Variants in SEMA6D observed in about 807,000 individuals in gnomAD.
The protein encoded by SEMA6D is semaphorin-6D.
SEMA6D carries 35 observed loss-of-function variants against 106.6 expected under a neutral mutation model. The observed-to-expected ratio is 0.33, with a 90% CI of 0.25 to 0.44. The LOEUF is 0.44. Ranked by LOEUF, SEMA6D falls within the 20% of genes least tolerant of loss-of-function variation. The pLI is 1.00. For synonymous variants in SEMA6D, 499 were observed against 487.7 expected (o/e 1.02, Z -0.31); for missense variants, 1,185 against 1,345.9 (o/e 0.88, Z 1.87).
intron 4 of SEMA6D, among the ~76,000 whole-genome samples, chr15:47,671,971 A>G (rs1226785791): frequency 6.6e-6 from 1 of 152,210 alleles, no homozygotes; most frequent in Non-Finnish European, 1.5e-5. Flanking sequence ...TGCTAATAAT[A>G]TTACAAACAT....
intron 4 of SEMA6D, chr15:47,603,930 T>C (rs2076719027): frequency 6.6e-6 from 1 of 152,218 alleles, no homozygotes; most frequent in South Asian, 2.1e-4. Flanking sequence ...CCCCCTGAGA[T>C]GGAGTGATGT....
chr15:47,618,533 G>A (rs868589090), intron 4 of SEMA6D, among the ~76,000 whole-genome samples: 23 of 152,192 alleles, frequency 1.5e-4, no homozygotes, highest in South Asian at 2.1e-4. Flanking sequence ...GGCTGATCTC[G>A]TCACTGAATT....
intron 4 of SEMA6D, among the ~76,000 whole-genome samples, chr15:47,687,741 C>CAG (rs1282102607): frequency 6.6e-6 from 1 of 151,948 alleles, no homozygotes; most frequent in Non-Finnish European, 1.5e-5. Context: ...AGAAAAGTAG[C>CAG]AGAGAGAGAT....
chr15:47,553,724 T>C (rs1269979599), intron 3 of SEMA6D, among the ~76,000 whole-genome samples: 1 of 152,142 alleles, frequency 6.6e-6, no homozygotes, highest in Non-Finnish European at 1.5e-5. Context: ...GCAGGGCATT[T>C]CAGTGTTGTT....
At chr15:47,695,651 CATA>C (rs755577023) in intron 4 of SEMA6D, among the ~76,000 whole-genome samples, 55 of 152,178 alleles carry the variant, frequency 3.6e-4, no homozygotes, top group Non-Finnish European at 5.4e-4. Flanking sequence ...GAAATAGAAG[CATA>C]ATATTTGTTA....
In SEMA6D at chr15:47,684,938, G is replaced by A. The variant is rs142767521; in HGVS notation, c.-54-74807G>A. On this transcript the variant is annotated intron_variant, in intron 4 of 19. Coordinates refer to the SEMA6D transcript ENST00000558014. ...TACCAGAGACCTGGGGAAACTTACC[G>A]TGGAAACCAAGGCAGGGAACATAAA... Among the ~76,000 whole-genome samples, 1,269 of 152,258 alleles carry A rather than the reference G, an allele frequency of 8.3e-3. 19 individuals carry two copies. Among genetic ancestry groups the A allele is most frequent in the African/African-American group, 0.029 (1,211 of 41,554 alleles).
chr15:47,762,003 A>G (rs2082084210), intron 7 of SEMA6D, among the ~76,000 whole-genome samples, 197 bp from the exon 8 acceptor site: 1 of 152,184 alleles, frequency 6.6e-6, no homozygotes, highest in Non-Finnish European at 1.5e-5. Flanking sequence ...TAAGTTTTTG[A>G]TGCCTAGATC....
chr15:47,411,330 C>T (rs532270542), intron 1 of SEMA6D, among the ~76,000 whole-genome samples: 3 of 152,080 alleles, frequency 2.0e-5, no homozygotes, highest in African/African-American at 4.8e-5. Flanking sequence ...CTCCTGACCT[C>T]GTGATCCGCC....
chr15:47,666,614 A>G (rs1225923003), intron 4 of SEMA6D, among the ~76,000 whole-genome samples: 1 of 152,208 alleles, frequency 6.6e-6, no homozygotes, highest in Non-Finnish European at 1.5e-5. Flanking sequence ...TGGGTACACT[A>G]CAGTGCTGAA....
intron 2 of SEMA6D, among the ~76,000 whole-genome samples, chr15:47,447,336 A>T (rs1198346283): frequency 6.6e-6 from 1 of 152,066 alleles, no homozygotes; most frequent in African/African-American, 2.4e-5. Flanking sequence ...CGTAACTTTC[A>T]TCCCACCCCC....
intron 3 of SEMA6D, among the ~76,000 whole-genome samples, chr15:47,505,154 A>T (rs1444259399): frequency 1.3e-5 from 2 of 152,104 alleles, no homozygotes; most frequent in Non-Finnish European, 2.9e-5. Flanking sequence ...AGATGAAGGG[A>T]AGAGAAAGGA....
intron 1 of SEMA6D, chr15:47,730,795 T>A: frequency 6.3e-7 from 1 of 1,591,724 alleles, no homozygotes; most frequent in African/African-American, 1.3e-5. Flanking sequence ...GAGGTCTCTT[T>A]TGGGCTGGAT....
At chr15:47,313,879 A>G (rs914619171) in intron 1 of SEMA6D, among the ~76,000 whole-genome samples, 16 of 152,234 alleles carry the variant, frequency 1.1e-4, no homozygotes, top group Non-Finnish European at 1.8e-4. Flanking sequence ...TCTGGCGTTT[A>G]TGAATAAAGA....
chr15:47,593,130 C>A lies in SEMA6D; in HGVS notation c.-86-7735C>A, dbSNP rs759128628. 3.3e-5 allele frequency among the ~76,000 whole-genome samples: 5 copies of A among 152,060 alleles called. No individual in the cohort carries two copies. The South Asian group carries it at 1.0e-3, about 32-fold the overall frequency. On this transcript the variant is annotated intron_variant, in intron 3 of 19. Transcript: ENST00000558014. ...TTAGTCAAAAAAAGATCTGGCTGGGCGCAGTGGCTCACACCTATAATCCCA... is the reference window on the plus strand; with the variant it reads ...TTAGTCAAAAAAAGATCTGGCTGGGAGCAGTGGCTCACACCTATAATCCCA...
chr15:47,349,689 A>G (rs927962972), intron 1 of SEMA6D, among the ~76,000 whole-genome samples: 1 of 152,062 alleles, frequency 6.6e-6, no homozygotes, highest in Non-Finnish European at 1.5e-5. Context: ...AATTGAGATC[A>G]TTATAAAAAA....
At chr15:47,499,417 A>C (rs533678264) in intron 3 of SEMA6D, among the ~76,000 whole-genome samples, 92 of 152,260 alleles carry the variant, frequency 6.0e-4, no homozygotes, top group African/African-American at 2.2e-3. Context: ...TATGTTAAAC[A>C]TTTATGTTAT....
At chr15:47,535,676 AC>A (rs924137201) in intron 3 of SEMA6D, among the ~76,000 whole-genome samples, 4 of 151,280 alleles carry the variant, frequency 2.6e-5, no homozygotes, top group Non-Finnish European at 4.4e-5. Context: ...TGACAAAAAT[AC>A]AAAAAAAAAA....
chr15:47,564,099 A>G lies in SEMA6D; in HGVS notation c.-86-36766A>G, dbSNP rs903881214. On this transcript the variant is annotated intron_variant, in intron 3 of 19. Transcript: ENST00000558014. ...ACATTTCCAAACAATCATCATGCTC[A>G]TTTATAAATCATGGAGTGTGTTTAC... Among the ~76,000 whole-genome samples, 5 of 152,240 alleles carry G rather than the reference A, an allele frequency of 3.3e-5. 1 individual carries two copies. Among genetic ancestry groups the G allele is most frequent in the Non-Finnish European group, 5.9e-5 (4 of 68,034 alleles).
intron 3 of SEMA6D, among the ~76,000 whole-genome samples, chr15:47,483,855 C>T (rs766194384): frequency 1.6e-4 from 24 of 152,120 alleles, no homozygotes; most frequent in Middle Eastern, 6.8e-3. Flanking sequence ...TCAACTCTTC[C>T]CCTCTCTTAT....
Sources: gnomAD v4.1 joint callset for allele counts (sites outside exome capture counted in the v4.1 genomes callset) on GRCh38, gnomAD v4.1.1 for gene constraint, MANE v1.5 for transcripts, NCBI Gene and HGNC (gene_info 2026-07-23, HGNC 2026-07-21) for gene names.